Variants in AATF observed in about 807,000 individuals in gnomAD.
AATF encodes the protein protein AATF.
Under a neutral mutation model 63.7 loss-of-function variants are expected in AATF, and 48 were observed. The observed-to-expected ratio is 0.75, with a 90% CI of 0.60 to 0.96. The LOEUF is 0.96. AATF is among the 40% of genes least tolerant of loss of function. AATF has a pLI of 0.00. For missense variants in AATF, 639 were observed against 685.7 expected, an observed-to-expected ratio of 0.93 and a Z score of 0.76; for synonymous variants, 258 against 247.7, an observed-to-expected ratio of 1.04 and a Z score of -0.39.
chr17:37,002,145 T>G (rs983843099), intron 8 of AATF, among the ~76,000 whole-genome samples: 2 of 140,352 alleles, frequency 1.4e-5, no homozygotes, highest in Non-Finnish European at 3.0e-5. Context: ...GAGGTTGCAG[T>G]GAGCCATGAT....
rs2071550581 is a variant in AATF, at chr17:37,031,372, G to A, written c.1548-242G>A. 7 of 546,620 alleles carry A rather than the reference G, an allele frequency of 1.3e-5. No individual in the cohort carries two copies. In the South Asian group the frequency reaches 1.7e-4, roughly 13 times the overall value. 33.9% of individuals were successfully genotyped at this position (546,620 alleles called of 1,614,324 possible). A position where few individuals can be genotyped will look rare whatever the true frequency, so the allele number is the denominator to read the frequency against. On this transcript the variant is annotated intron_variant, in intron 10 of 11. Transcript: ENST00000619387. ...CTATGCCATTTTATATAAGGAACTT[G>A]AGCATCCGTGGATTTTTGTATCCAT...
chr17:36,957,172 C>T (rs557436835), intron 4 of AATF, among the ~76,000 whole-genome samples: 1 of 152,132 alleles, frequency 6.6e-6, no homozygotes, highest in Admixed American at 6.6e-5. Context: ...AAAGTCAGAC[C>T]GGCTTGGTTT....
chr17:36,985,442 ATTTTT>A (rs557972342), intron 4 of AATF, among the ~76,000 whole-genome samples: 1 of 132,064 alleles, frequency 7.6e-6, no homozygotes, highest in African/African-American at 2.8e-5. Context: ...GCCTGGCTAA[ATTTTT>A]TTTTTTTTTT....
At chr17:37,045,388 GC>G in intron 11 of AATF, 1 of 152,472 alleles carries the variant, frequency 6.6e-6, no homozygotes, top group Non-Finnish European at 1.5e-5. Flanking sequence ...GCAGCCATGG[GC>G]CCCAGGGTGT....
chr17:37,041,574 C>T (rs529613426), intron 11 of AATF, among the ~76,000 whole-genome samples: 53 of 152,232 alleles, frequency 3.5e-4, no homozygotes, highest in Non-Finnish European at 6.9e-4. Flanking sequence ...GGTGCAATCT[C>T]GGCTCACTGC....
chr17:37,041,467 T>A (rs1028543068), intron 11 of AATF, among the ~76,000 whole-genome samples: 11 of 152,214 alleles, frequency 7.2e-5, no homozygotes, highest in African/African-American at 2.7e-4. Context: ...CAGCTGAGGC[T>A]TATGTCATTT....
At chr17:37,002,744 C>T (rs1240916560) in intron 8 of AATF, among the ~76,000 whole-genome samples, 1 of 151,098 alleles carries the variant, frequency 6.6e-6, no homozygotes, top group African/African-American at 2.4e-5. Context: ...ATATTTAACA[C>T]ACTGAACATT....
At position 36,963,574 on chromosome 17, in the gene AATF, A is replaced by G. The variant is rs1427461843; in HGVS notation, c.832+9667A>G. Among the ~76,000 whole-genome samples, 7 of 152,188 alleles carry G rather than the reference A, an allele frequency of 4.6e-5. 1 individual carries two copies. The highest frequency in any genetic ancestry group is 1.0e-4 in the Non-Finnish European group (7 of 68,036). On this transcript the variant is annotated intron_variant, in intron 4 of 11. Transcript: ENST00000619387. ...GATACTCTATTGTTTATGTCTTAAA[A>G]CCTGTTCTTAAATTGTTTTTTTAAA...
chr17:36,997,833 A>G (rs949745878), intron 8 of AATF, among the ~76,000 whole-genome samples: 2 of 152,246 alleles, frequency 1.3e-5, no homozygotes, highest in African/African-American at 2.4e-5. Context: ...CCAAATGCCC[A>G]TCAATCAACG....
chr17:37,012,275 G>A (rs2071398068), intron 8 of AATF, among the ~76,000 whole-genome samples: 2 of 152,084 alleles, frequency 1.3e-5, no homozygotes, highest in South Asian at 2.1e-4. Flanking sequence ...GGCTGGTCTC[G>A]AACTTCTGGC....
At chr17:37,029,058 G>A (rs550534878) in intron 10 of AATF, among the ~76,000 whole-genome samples, 1 of 151,964 alleles carries the variant, frequency 6.6e-6, no homozygotes, top group South Asian at 2.1e-4. Context: ...TTTTAGATAA[G>A]CTCATACTCT....
intron 10 of AATF, among the ~76,000 whole-genome samples, chr17:37,023,407 A>G (rs2071487442): frequency 6.6e-6 from 1 of 152,188 alleles, no homozygotes; most frequent in Non-Finnish European, 1.5e-5. Context: ...GTATGTGTCA[A>G]TGCAATTAGA....
intron 11 of AATF, among the ~76,000 whole-genome samples, chr17:37,041,595 T>C (rs1037377330): frequency 6.6e-6 from 1 of 152,174 alleles, no homozygotes; most frequent in Admixed American, 6.5e-5. Context: ...AATGTCCGCC[T>C]CCCGGGTTCA....
At chr17:36,990,460 A>G (rs2071204904) in intron 7 of AATF, among the ~76,000 whole-genome samples, 1 of 152,204 alleles carries the variant, frequency 6.6e-6, no homozygotes, top group South Asian at 2.1e-4. Context: ...GATGTTGCCA[A>G]ATTGCCTCCA....
chr17:37,032,852 G>A (rs970975197), intron 11 of AATF, among the ~76,000 whole-genome samples: 2 of 152,024 alleles, frequency 1.3e-5, no homozygotes, highest in Non-Finnish European at 2.9e-5. Flanking sequence ...TTCACTGATT[G>A]TTGGACATTT....
chr17:36,996,304 A>C (rs542472297), intron 8 of AATF, among the ~76,000 whole-genome samples: 1 of 152,244 alleles, frequency 6.6e-6, no homozygotes, highest in African/African-American at 2.4e-5. Flanking sequence ...ATGTGATGGC[A>C]CTTGCCTGTA....
intron 10 of AATF, among the ~76,000 whole-genome samples, chr17:37,027,799 T>C (rs535875708): frequency 6.6e-6 from 1 of 152,288 alleles, no homozygotes; most frequent in Non-Finnish European, 1.5e-5. Flanking sequence ...AAATGCACAG[T>C]AACCACGTGT....
At chr17:37,037,149 C>T (rs998394363) in intron 11 of AATF, among the ~76,000 whole-genome samples, 20 of 151,908 alleles carry the variant, frequency 1.3e-4, no homozygotes, top group Admixed American at 1.1e-3. Context: ...GCTGGGACTG[C>T]AGGCGCCCAC....
intron 4 of AATF, among the ~76,000 whole-genome samples, chr17:36,959,756 A>G (rs1236740900): frequency 2.0e-5 from 3 of 152,230 alleles, no homozygotes; most frequent in Non-Finnish European, 4.4e-5. Flanking sequence ...ATGCAATATC[A>G]TTAAAGACCT....
Sources: allele counts gnomAD v4.1 joint callset (sites outside exome capture counted in the v4.1 genomes callset), GRCh38; gene constraint gnomAD v4.1.1; transcripts MANE v1.5; gene names NCBI Gene and HGNC (gene_info 2026-07-23, HGNC 2026-07-21).